Variants in UNC5C observed in about 807,000 individuals in gnomAD.
The protein encoded by UNC5C is unc-5 netrin receptor C.
In UNC5C, 47 loss-of-function variants were observed where a neutral mutation model predicts 99.8. The observed-to-expected ratio is 0.47, with a 90% CI of 0.37 to 0.60. The LOEUF (loss-of-function observed/expected upper bound fraction) is 0.60. Ranked by LOEUF, UNC5C falls within the 20% of genes least tolerant of loss-of-function variation. The pLI is 0.00. For missense variants in UNC5C, 1,062 were observed against 1,165.9 expected, an observed-to-expected ratio of 0.91 and a Z score of 1.30; for synonymous variants, 487 against 452.2, an observed-to-expected ratio of 1.08 and a Z score of -0.98.
At position 95,278,247 on chromosome 4, in the gene UNC5C, G is replaced by T; in HGVS notation, c.594+12C>A. 2.5e-6 allele frequency: 4 copies of T among 1,605,626 alleles called. No homozygotes were observed. Among genetic ancestry groups the T allele is most frequent in the Middle Eastern group, 1.7e-4 (1 of 6,042 alleles). ...TGCCAATTGCTAAATGCAAAGAATT[G>T]TTGTTATTCACCTCAGCCACTGGGA... On this transcript the variant is annotated intron_variant, in intron 4 of 15. Transcript: ENST00000453304.
At chr4:95,240,230 G>A (rs528939428) in intron 7 of UNC5C, among the ~76,000 whole-genome samples, 5 of 152,062 alleles carry the variant, frequency 3.3e-5, no homozygotes, top group African/African-American at 4.8e-5. Flanking sequence ...TCCCTCTTGC[G>A]AACTTTGCAC....
intron 1 of UNC5C, among the ~76,000 whole-genome samples, chr4:95,384,638 T>A (rs1324147116): frequency 6.6e-6 from 1 of 151,880 alleles, no homozygotes; most frequent in Non-Finnish European, 1.5e-5. Context: ...TGGCAGGAGG[T>A]CATTAAATAA....
At chr4:95,220,410 C>T (rs1303121075) in intron 7 of UNC5C, among the ~76,000 whole-genome samples, 2 of 152,110 alleles carry the variant, frequency 1.3e-5, no homozygotes, top group Non-Finnish European at 2.9e-5. Context: ...AATTGGGCAG[C>T]ATAACAGACT....
intron 2 of UNC5C, among the ~76,000 whole-genome samples, chr4:95,318,256 C>T (rs1265346620): frequency 2.0e-5 from 3 of 151,858 alleles, no homozygotes; most frequent in Non-Finnish European, 2.9e-5. Flanking sequence ...GAGAAGGTGA[C>T]GTGAAGATGG....
intron 1 of UNC5C, among the ~76,000 whole-genome samples, chr4:95,471,499 G>A (rs1025682008): frequency 2.6e-5 from 4 of 152,026 alleles, no homozygotes; most frequent in Non-Finnish European, 5.9e-5. Flanking sequence ...AGCATTCCTG[G>A]GAACCTGCAG....
At chr4:95,393,866 A>ATT (rs1745433389) in intron 1 of UNC5C, among the ~76,000 whole-genome samples, 12 of 107,062 alleles carry the variant, frequency 1.1e-4, no homozygotes, top group South Asian at 1.0e-3. Flanking sequence ...TTTTTTTTAA[A>ATT]AAAAAACAGA....
intron 1 of UNC5C, among the ~76,000 whole-genome samples, chr4:95,537,909 T>TA (rs199764392): frequency 8.5e-4 from 129 of 152,020 alleles, no homozygotes; most frequent in African/African-American, 2.7e-3. Flanking sequence ...CAGCTAAAAG[T>TA]AAAAAAAATC....
intron 1 of UNC5C, among the ~76,000 whole-genome samples, chr4:95,475,452 C>A (rs1748114114): frequency 6.6e-6 from 1 of 152,002 alleles, no homozygotes; most frequent in Non-Finnish European, 1.5e-5. Flanking sequence ...ATATTAAAAA[C>A]AACCAGTGCT....
At chr4:95,311,075 T>C (rs747924758) in intron 2 of UNC5C, among the ~76,000 whole-genome samples, 26 of 152,130 alleles carry the variant, frequency 1.7e-4, no homozygotes, top group Admixed American at 2.6e-4. Flanking sequence ...ATAACTTGAA[T>C]GGTGGGTGTG....
intron 4 of UNC5C, among the ~76,000 whole-genome samples, chr4:95,277,794 G>A (rs1451111924): frequency 6.6e-6 from 1 of 152,146 alleles, no homozygotes; most frequent in Admixed American, 6.5e-5. Context: ...TATGCAAGGT[G>A]TGTGGGCATG....
chr4:95,165,434 T>A lies in UNC5C; in HGVS notation c.*3800A>T, dbSNP rs1203958199. 4 of 152,224 alleles carry A rather than the reference T, an allele frequency of 2.6e-5. No homozygotes were observed. The highest frequency in any genetic ancestry group is 4.4e-5 in the Non-Finnish European group (3 of 68,032). The allele number at this position is 152,224 out of a possible 1,614,324, so 9.4% of individuals were successfully genotyped here. A position where few individuals can be genotyped will look rare whatever the true frequency, so the allele number is the denominator to read the frequency against. On this transcript the variant is annotated 3_prime_UTR_variant, in exon 16 of 16. Coordinates refer to ENST00000453304, the MANE Select transcript of UNC5C (RefSeq NM_003728.4). ...TTTTCTGCATAGCAGAGGTGACTGT[T>A]CATTTGGAAGATGCCGTTTGTGAAA...
intron 2 of UNC5C, among the ~76,000 whole-genome samples, chr4:95,335,187 A>T (rs781522297): frequency 2.4e-4 from 37 of 151,970 alleles, no homozygotes; most frequent in Non-Finnish European, 4.4e-4. Context: ...CCATGTTTTA[A>T]TTTCATGTAG....
At chr4:95,337,725 T>C (rs901977031) in intron 1 of UNC5C, among the ~76,000 whole-genome samples, 1 of 152,056 alleles carries the variant, frequency 6.6e-6, no homozygotes, top group Non-Finnish European at 1.5e-5. Context: ...GTTTGAGGTT[T>C]CACACAGTTA....
chr4:95,175,739 G>A (rs1431627200), intron 14 of UNC5C, among the ~76,000 whole-genome samples: 1 of 151,776 alleles, frequency 6.6e-6, no homozygotes, highest in Non-Finnish European at 1.5e-5. Flanking sequence ...TTCTCTTCTT[G>A]AGGAGTATCT....
At chr4:95,336,798 A>G (rs1743366717) in intron 1 of UNC5C, among the ~76,000 whole-genome samples, 1 of 151,932 alleles carries the variant, frequency 6.6e-6, no homozygotes, top group Admixed American at 6.6e-5. Context: ...TGAAATGTAA[A>G]TGTTGTTTCC....
At chr4:95,402,888 CTT>C (rs1310550671) in intron 1 of UNC5C, among the ~76,000 whole-genome samples, 1 of 152,154 alleles carries the variant, frequency 6.6e-6, no homozygotes, top group Non-Finnish European at 1.5e-5. Flanking sequence ...TAATAAGTCT[CTT>C]TGAGACATTT....
At chr4:95,377,435 T>G (rs2149440704) in intron 1 of UNC5C, among the ~76,000 whole-genome samples, 1 of 152,320 alleles carries the variant, frequency 6.6e-6, no homozygotes, top group Admixed American at 6.5e-5. Context: ...CCTGAAATGT[T>G]AAGATAAAAA....
At chr4:95,524,409 T>C (rs1270187106) in intron 1 of UNC5C, among the ~76,000 whole-genome samples, 5 of 152,184 alleles carry the variant, frequency 3.3e-5, no homozygotes, top group Non-Finnish European at 1.5e-5. Context: ...GTTAGGGAGA[T>C]AAGAAACATG....
chr4:95,238,207 T>A (rs7440613), intron 7 of UNC5C, among the ~76,000 whole-genome samples: 38,271 of 152,112 alleles, frequency 0.25, 5,750 homozygotes, highest in East Asian at 0.61. Context: ...CAGGTGAGTT[T>A]AATTCATTTA....
Sources: gnomAD v4.1 joint callset for allele counts (sites outside exome capture counted in the v4.1 genomes callset) on GRCh38, gnomAD v4.1.1 for gene constraint, MANE v1.5 for transcripts, NCBI Gene and HGNC (gene_info 2026-07-23, HGNC 2026-07-21) for gene names.